The following RAP1A variants were observed in gnomAD, a reference collection of about 807,000 sequenced individuals.
RAP1A encodes the protein ras-related protein Rap-1A.
Under a neutral mutation model 26.4 loss-of-function variants are expected in RAP1A, and 6 were observed. The observed-to-expected ratio is 0.23, with a 90% confidence interval of 0.12 to 0.45. RAP1A has a LOEUF of 0.45. Among genes scored for constraint, RAP1A ranks in the 20% least tolerant of loss-of-function variants. The probability of loss-of-function intolerance (pLI) is 0.99; values close to 1 mark genes in which losing one functional copy is unlikely to be tolerated. For synonymous variants in RAP1A, 73 were observed against 79.4 expected (o/e 0.92, Z 0.43); for missense variants, 121 against 217.2 (o/e 0.56, Z 2.78).
chr1:111,702,568 C>T (rs1662056331), intron 4 of RAP1A, among the ~76,000 whole-genome samples: 1 of 143,706 alleles, frequency 7.0e-6, no homozygotes, highest in Middle Eastern at 3.4e-3. Flanking sequence ...TGAACAAGCT[C>T]TTTTTTTTTT....
intron 1 of RAP1A, among the ~76,000 whole-genome samples, chr1:111,605,938 G>A (rs1322170707): frequency 6.6e-6 from 1 of 152,204 alleles, no homozygotes; most frequent in East Asian, 1.9e-4. Flanking sequence ...AGCAAGCTGA[G>A]CAGCAGGAGG....
At chr1:111,662,256 G>A (rs1660661896) in intron 1 of RAP1A, among the ~76,000 whole-genome samples, 2 of 151,958 alleles carry the variant, frequency 1.3e-5, no homozygotes, top group South Asian at 4.1e-4. Context: ...TTAGCCGGGC[G>A]TGATGGCAGG....
At chr1:111,667,811 C>CA (rs1660844208) in intron 1 of RAP1A, among the ~76,000 whole-genome samples, 1 of 152,060 alleles carries the variant, frequency 6.6e-6, no homozygotes, top group South Asian at 2.1e-4. Context: ...AAGGAACTGA[C>CA]ATAAGATATG....
At chr1:111,693,348 GAT>G (rs1222746784) in intron 2 of RAP1A, among the ~76,000 whole-genome samples, 1 of 152,128 alleles carries the variant, frequency 6.6e-6, no homozygotes, top group Non-Finnish European at 1.5e-5. Flanking sequence ...AAGCTGGAGA[GAT>G]ATTGGGGTTA....
chr1:111,569,066 T>A (rs1657984930), intron 1 of RAP1A, among the ~76,000 whole-genome samples: 1 of 152,188 alleles, frequency 6.6e-6, no homozygotes, highest in African/African-American at 2.4e-5. Context: ...AGGCTTCTAG[T>A]TAACTGTAGA....
chr1:111,697,653 A>G (rs1040353886), intron 4 of RAP1A, among the ~76,000 whole-genome samples, 156 bp downstream of exon 4: 2 of 152,044 alleles, frequency 1.3e-5, no homozygotes, highest in African/African-American at 4.8e-5. Flanking sequence ...TATGAAATCA[A>G]CTCTGATGTA....
chr1:111,592,958 G>A (rs1658495660), intron 1 of RAP1A, among the ~76,000 whole-genome samples: 1 of 152,176 alleles, frequency 6.6e-6, no homozygotes, highest in South Asian at 2.1e-4. Context: ...AGAGCTCTGA[G>A]GATCAGTGGG....
intron 1 of RAP1A, chr1:111,686,603 A>T (rs1473788707): frequency 6.8e-6 from 1 of 146,790 alleles, no homozygotes; most frequent in Non-Finnish European, 1.5e-5. Flanking sequence ...AGGCGGAAGG[A>T]TGACTTGAGC....
In RAP1A at chr1:111,658,812, G is replaced by A. The variant is rs11811939; in HGVS notation, c.-27-32522G>A. On this transcript the variant is annotated intron_variant, in intron 1 of 7. Transcript: ENST00000369709. ...CGACCTTACTGATTTTCTGCCTGCC[G>A]GATCTGTCAGTTACTGACAAGGGTG... is the stretch of plus-strand genomic sequence containing the variant. Among the ~76,000 whole-genome samples, 257 of 152,286 alleles carry A rather than the reference G, an allele frequency of 1.7e-3. 2 individuals are homozygous for A. Among genetic ancestry groups the A allele is most frequent in the Middle Eastern group, 6.8e-3 (2 of 294 alleles).
intron 4 of RAP1A, among the ~76,000 whole-genome samples, chr1:111,700,925 A>G (rs1469494479): frequency 6.6e-6 from 1 of 152,148 alleles, no homozygotes; most frequent in African/African-American, 2.4e-5. Context: ...TAATGACACT[A>G]TCTTGGTCTA....
At chr1:111,556,900 A>G (rs1225192373) in intron 1 of RAP1A, among the ~76,000 whole-genome samples, 2 of 122,378 alleles carry the variant, frequency 1.6e-5, no homozygotes, top group East Asian at 4.1e-4. Context: ...TACATTTTAC[A>G]TTATATATAT....
At chr1:111,637,156 T>C (rs1175533920) in intron 1 of RAP1A, among the ~76,000 whole-genome samples, 1 of 152,206 alleles carries the variant, frequency 6.6e-6, no homozygotes, top group African/African-American at 2.4e-5. Flanking sequence ...GTTTGTATTA[T>C]ATTTTTAAAG....
At chr1:111,546,657 T>C (rs573643830) in intron 1 of RAP1A, among the ~76,000 whole-genome samples, 1 of 152,330 alleles carries the variant, frequency 6.6e-6, no homozygotes, top group East Asian at 1.9e-4. Flanking sequence ...ACATTTTGTT[T>C]ATCAATTCAT....
chr1:111,648,835 C>T, intron 1 of RAP1A: 1 of 709,644 alleles, frequency 1.4e-6, no homozygotes, highest in Non-Finnish European at 2.6e-6. Context: ...GAGATGTCTG[C>T]CATGATCTTG....
At chr1:111,669,026 G>GAAAAAAAAAAAAAAA (rs58557062) in intron 1 of RAP1A, among the ~76,000 whole-genome samples, 1 of 19,786 alleles carries the variant, frequency 5.1e-5, no homozygotes, top group Non-Finnish European at 1.2e-4. Flanking sequence ...CCTATCTCAA[G>GAAAAAAAAAAAAAAA]AAAAAAAAAA....
At chr1:111,701,029 A>T (rs1662006372) in intron 4 of RAP1A, among the ~76,000 whole-genome samples, 1 of 152,204 alleles carries the variant, frequency 6.6e-6, no homozygotes, top group Non-Finnish European at 1.5e-5. Flanking sequence ...TTCTCCACAC[A>T]GTAACCATCA....
At chr1:111,569,044 G>T (rs1657984551) in intron 1 of RAP1A, among the ~76,000 whole-genome samples, 2 of 152,134 alleles carry the variant, frequency 1.3e-5, no homozygotes, top group African/African-American at 4.8e-5. Flanking sequence ...TATGTTGACT[G>T]TGTTATCAGT....
intron 1 of RAP1A, among the ~76,000 whole-genome samples, chr1:111,543,621 GAGGAAT>G (rs1414930450): frequency 4.6e-3 from 6 of 1,296 alleles, no homozygotes; most frequent in South Asian, 0.1. Flanking sequence ...GGAAGAGAAG[GAGGAAT>G]AGGAGGAGGA....
At chr1:111,577,401 CAAAAAAAAAAAAAAA>C (rs56156855) in intron 1 of RAP1A, among the ~76,000 whole-genome samples, 3 of 29,040 alleles carry the variant, frequency 1.0e-4, no homozygotes, top group East Asian at 1.4e-3. Context: ...GACTCCATCG[CAAAAAAAAAAAAAAA>C]AAAAAAAAAA....
Sources: allele counts gnomAD v4.1 joint callset (sites outside exome capture counted in the v4.1 genomes callset), GRCh38; gene constraint gnomAD v4.1.1; transcripts MANE v1.5; gene names NCBI Gene and HGNC (gene_info 2026-07-23, HGNC 2026-07-21).